Variants in CEP170B observed in about 807,000 individuals in gnomAD.
The protein encoded by CEP170B is centrosomal protein of 170 kDa protein B.
Under a neutral mutation model 120.6 loss-of-function variants are expected in CEP170B, and 55 were observed. The observed-to-expected ratio is 0.46, with a 90% CI of 0.37 to 0.57. The LOEUF (loss-of-function observed/expected upper bound fraction) is 0.57. Among genes scored for constraint, CEP170B ranks in the 20% least tolerant of loss-of-function variants. The pLI is 0.00. For missense variants in CEP170B, 2,212 were observed against 2,253.3 expected (o/e 0.98, Z 0.37); for synonymous variants, 1,033 against 954.5 (o/e 1.08, Z -1.52).
chr14:104,893,030 T>G lies in CEP170B; in HGVS notation c.3933T>G (p.Asp1311Glu), dbSNP rs202004632. ...DVAILAQEIH[D>E]VAGDGDTLGS... ...CCATCCTAGCCCAGGAGATCCACGA[T>G]GTGGCTGGGGACGGTGACACACTGG... Residue 1311 changes from aspartate to glutamate, a missense_variant, in exon 14 of 19, where the codon GAT becomes GAG. Physicochemically the swap from Asp to Glu is conservative, Grantham distance 45. Transcript: ENST00000414716. 7.5e-6 allele frequency: 12 copies of G among 1,590,828 alleles called. No homozygotes were observed. Among genetic ancestry groups the G allele is most frequent in the Non-Finnish European group, 8.5e-6 (10 of 1,170,222 alleles).
chr14:104,877,396 C>T (rs535419114), intron 3 of CEP170B, among the ~76,000 whole-genome samples: 53 of 152,310 alleles, frequency 3.5e-4, no homozygotes, highest in African/African-American at 1.2e-3. Context: ...TGCCTCCCAC[C>T]TGCCTGTGGG....
intron 4 of CEP170B, among the ~76,000 whole-genome samples, chr14:104,878,191 G>T (rs1321593177): frequency 6.6e-6 from 1 of 151,448 alleles, no homozygotes; most frequent in Non-Finnish European, 1.5e-5. Flanking sequence ...CCTGCTGCTT[G>T]CCCACCCACC....
chr14:104,878,775 T>A, intron 5 of CEP170B, among the ~76,000 whole-genome samples: 1 of 150,328 alleles, frequency 6.7e-6, no homozygotes, highest in Admixed American at 6.7e-5. Flanking sequence ...TGCAGCAGCA[T>A]CCGGGCTCTG....
At chr14:104,882,926 G>C (rs1310376683) in intron 7 of CEP170B, 94 bp downstream of exon 7, 2 of 1,460,284 alleles carry the variant, frequency 1.4e-6, no homozygotes, top group Middle Eastern at 2.0e-4. Flanking sequence ...CACTCCGGGG[G>C]ACATGGGGCC....
At position 104,891,361 on chromosome 14, in the gene CEP170B, G is replaced by A. The variant is rs1165670059; in HGVS notation, c.3878+1603G>A. Among the ~76,000 whole-genome samples the A allele has an allele frequency of 1.3e-5, 2 of 152,070 alleles. No homozygotes were observed. Among genetic ancestry groups the A allele is most frequent in the African/African-American group, 4.8e-5 (2 of 41,374 alleles). On this transcript the variant is annotated intron_variant, in intron 13 of 18. Transcript: ENST00000414716. This position sits in a 1 kb window ranked among gnomAD's most constrained non-coding sequence, Gnocchi z 4.3. ...GGGGGGTCCCAGGACCAGGGTGGAT[G>A]GCAAGTGTTTGTTGTGGAGGATGCT...
Position 104,886,097 on chromosome 14 carries a change from C to T in CEP170B, c.2002C>T (p.Leu668=). 6.5e-7 allele frequency: 1 copy of T among 1,546,728 alleles called. No homozygotes were observed. Among genetic ancestry groups the T allele is most frequent in the Non-Finnish European group, 8.7e-7 (1 of 1,146,012 alleles). ...GAAGTGGGTGTCCCGCTGGGCCAGC[C>T]TGGCTGACAGCTACTCAGACCCGGG... The part of the protein sequence containing the change: ...GQKWVSRWAS[L]ADSYSDPGLT... Residue 668 remains leucine (L), a synonymous_variant, in exon 11 of 19, where the codon CTG becomes TTG. Coordinates refer to ENST00000414716, the MANE Select transcript of CEP170B (RefSeq NM_001112726.3).
chr14:104,877,879 C>G lies in CEP170B; in HGVS notation c.196-6C>G. ...CCCCCCCCCCCCGCCACCTGTTTTCCTGCAGACGTTTGTGAATGACATGCG... is the reference window on the plus strand; with the variant it reads ...CCCCCCCCCCCCGCCACCTGTTTTCGTGCAGACGTTTGTGAATGACATGCG... On this transcript the variant is annotated splice_polypyrimidine_tract_variant and splice_region_variant and intron_variant, in intron 3 of 18. Transcript: ENST00000414716. 8.9e-7 allele frequency: 1 copy of G among 1,124,574 alleles called. No individual in the cohort carries two copies. The highest frequency in any genetic ancestry group is 1.2e-6 in the Non-Finnish European group (1 of 819,838). 69.7% of individuals were successfully genotyped at this position (1,124,574 alleles called of 1,614,324 possible). A position where few individuals can be genotyped will look rare whatever the true frequency, so the allele number is the denominator to read the frequency against.
chr14:104,896,266 T>G lies in CEP170B; in HGVS notation c.*1308T>G. 3 of 251,032 alleles carry G rather than the reference T, an allele frequency of 1.2e-5. No individual in the cohort carries two copies. Among genetic ancestry groups the G allele is most frequent in the Non-Finnish European group, 1.6e-5 (2 of 127,242 alleles). 15.6% of individuals were successfully genotyped at this position (251,032 alleles called of 1,614,324 possible). ...CTGTTTACTTTTAGCTGAGCTGGGG[T>G]TGGGTGTACGGGTTCTGTTCCTCTG... On this transcript the variant is annotated 3_prime_UTR_variant, in exon 19 of 19. Transcript: ENST00000414716.
chr14:104,881,599 C>A (rs1453602544), intron 6 of CEP170B, among the ~76,000 whole-genome samples: 2 of 152,226 alleles, frequency 1.3e-5, no homozygotes, highest in Non-Finnish European at 2.9e-5. Flanking sequence ...ACACATGCAG[C>A]TGGTGACAGC....
intron 3 of CEP170B, 47 bp from the exon 4 acceptor site, chr14:104,877,838 C>A (rs779203270): frequency 2.2e-6 from 1 of 463,938 alleles, no homozygotes. Flanking sequence ...CCACAGCCAC[C>A]CACCCGCGCA....
intron 2 of CEP170B, among the ~76,000 whole-genome samples, chr14:104,873,070 G>A (rs1463243854): frequency 6.6e-6 from 1 of 152,172 alleles, no homozygotes; most frequent in Non-Finnish European, 1.5e-5. Context: ...GTGAGGGGCT[G>A]CTTCTGGTTG....
In CEP170B at chr14:104,886,841, A is replaced by T. The variant is rs915669711; in HGVS notation, c.2602A>T (p.Ser868Cys). The part of the protein sequence containing the change: ...GPAPAFLRQE[S>C]FTKEPASGPP... ...TGCCCCAGCCTTTCTCCGGCAAGAG[A>T]GCTTCACTAAGGAGCCAGCCAGTGG... The change falls in exon 12 of 19, where the codon AGC becomes TGC. Residue 868 changes from serine to cysteine, a missense_variant. Physicochemically the swap from Ser to Cys is moderately radical, Grantham distance 112. Coordinates refer to ENST00000414716, the MANE Select transcript of CEP170B (RefSeq NM_001112726.3). The T allele has an allele frequency of 8.1e-6, 13 of 1,610,874 alleles. No individual in the cohort carries two copies. The highest frequency in any genetic ancestry group is 3.3e-5 in the Admixed American group (2 of 60,016).
At chr14:104,894,233 C>T in intron 16 of CEP170B, 52 bp from the exon 17 acceptor site, 8 of 1,376,102 alleles carry the variant, frequency 5.8e-6, no homozygotes, top group South Asian at 2.3e-5. Context: ...TGCCTCAGCT[C>T]TGTCATCTCT....
At chr14:104,888,105 C>T in intron 12 of CEP170B, 127 bp downstream of exon 12, 2 of 1,080,040 alleles carry the variant, frequency 1.9e-6, no homozygotes, top group South Asian at 3.4e-5. Context: ...CCTCTGTTCC[C>T]AAAGCTGGGG....
In CEP170B at chr14:104,868,697, G is replaced by A. The variant is rs1895314108; in HGVS notation, c.105+142G>A. The A allele has an allele frequency of 2.5e-6, 2 of 794,068 alleles. No homozygotes were observed. Among genetic ancestry groups the A allele is most frequent in the South Asian group, 3.5e-5 (2 of 56,382 alleles). 49.2% of individuals were successfully genotyped at this position (794,068 alleles called of 1,614,324 possible). The stretch of plus-strand genomic sequence containing the variant: ...CAGCCCAGGCTGGGCCTCTTAACTT[G>A]GGTCCCGGATGCACCGAGGGCTCTG... On this transcript the variant is annotated intron_variant, in intron 2 of 18. Coordinates refer to ENST00000414716, the MANE Select transcript of CEP170B (RefSeq NM_001112726.3). The surrounding 1 kb of genome is among the most constrained non-coding windows in gnomAD (Gnocchi z 5.9).
rs1300505193 is a variant in CEP170B, at chr14:104,868,784, A to G, written c.105+229A>G. The stretch of plus-strand genomic sequence containing the variant: ...TCACAGGCTCGGGTCCCTGCCCCGT[A>G]CGTATCCCTGTCTCTGACAGGAGGG... On this transcript the variant is annotated intron_variant, in intron 2 of 18. Coordinates refer to ENST00000414716, the MANE Select transcript of CEP170B (RefSeq NM_001112726.3). The surrounding 1 kb of genome is among the most constrained non-coding windows in gnomAD (Gnocchi z 5.9). Among the ~76,000 whole-genome samples, 2 of 152,108 alleles carry G rather than the reference A, an allele frequency of 1.3e-5. No homozygotes were observed. The highest frequency in any genetic ancestry group is 4.8e-5 in the African/African-American group (2 of 41,402).
At position 104,868,297 on chromosome 14, in the gene CEP170B, G is replaced by A. The variant is rs912698286; in HGVS notation, c.-27-127G>A. ...GAGGGCGGGTGGCCTGATGAGGCTG[G>A]AGCCCAGCTTCTCCGGAAGCTGCCA... On this transcript the variant is annotated intron_variant, in intron 1 of 18. Coordinates refer to ENST00000414716, the MANE Select transcript of CEP170B (RefSeq NM_001112726.3). The surrounding 1 kb of genome is among the most constrained non-coding windows in gnomAD (Gnocchi z 5.9). 1 of 671,556 alleles carries A rather than the reference G, an allele frequency of 1.5e-6. No homozygotes were observed. The allele number at this position is 671,556 out of a possible 1,614,324, so 41.6% of individuals were successfully genotyped here.
chr14:104,890,177 G>A (rs1466415121), intron 13 of CEP170B, among the ~76,000 whole-genome samples: 1 of 113,658 alleles, frequency 8.8e-6, no homozygotes, highest in East Asian at 3.0e-4. Context: ...TGGATGGATG[G>A]ATGGATGGAT....
chr14:104,884,415 G>T lies in CEP170B; in HGVS notation c.1636G>T (p.Ala546Ser), dbSNP rs750638092. Residue 546 changes from alanine to serine, a missense_variant, in exon 9 of 19, where the codon GCC becomes TCC. By Grantham distance (99) the Ala-to-Ser change is moderately conservative. Transcript: ENST00000414716. ...SPVGPPTPPP[A>S]PTDPQLTKAR... ...CGTGGGCCCCCCGACCCCACCGCCC[G>T]CCCCCACGGACCCCCAGCTGACCAA... 1 of 764,360 alleles carries T rather than the reference G, an allele frequency of 1.3e-6. No homozygotes were observed. The highest frequency in any genetic ancestry group is 1.9e-5 in the African/African-American group (1 of 53,520). The allele number at this position is 764,360 out of a possible 1,614,324, so 47.3% of individuals were successfully genotyped here. A position where few individuals can be genotyped will look rare whatever the true frequency, so the allele number is the denominator to read the frequency against.
Sources: allele counts gnomAD v4.1 joint callset (sites outside exome capture counted in the v4.1 genomes callset), GRCh38; gene constraint gnomAD v4.1.1; non-coding constraint Gnocchi (gnomAD v3.1); transcripts MANE v1.5; gene names NCBI Gene and HGNC (gene_info 2026-07-23, HGNC 2026-07-21).